Variants in DOCK9 observed in about 807,000 individuals in gnomAD.
DOCK9 encodes dedicator of cytokinesis protein 9.
Under a neutral mutation model 263.3 loss-of-function variants are expected in DOCK9, and 89 were observed. That is an observed-to-expected ratio of 0.34 (90% CI 0.28 to 0.40). The LOEUF is 0.40. Among genes scored for constraint, DOCK9 ranks in the 10% least tolerant of loss-of-function variants. The pLI, the probability that DOCK9 is intolerant of heterozygous loss-of-function variation, is 1.00. For synonymous variants in DOCK9, 976 were observed against 973.1 expected (o/e 1.00, Z -0.06); for missense variants, 2,140 against 2,603.4 (o/e 0.82, Z 3.87).
intron 45 of DOCK9, among the ~76,000 whole-genome samples, chr13:98,811,107 G>C (rs2091257193): frequency 2.0e-5 from 3 of 152,208 alleles, no homozygotes; most frequent in African/African-American, 7.2e-5. Flanking sequence ...CAAAGTGATG[G>C]TGTCATGAAT....
chr13:99,051,926 A>C (rs975497706), intron 1 of DOCK9, among the ~76,000 whole-genome samples: 7 of 150,996 alleles, frequency 4.6e-5, no homozygotes, highest in South Asian at 4.2e-4. Flanking sequence ...TTGTTCACAA[A>C]AACACCAGAA....
At chr13:98,881,228 A>C (rs1291706000) in intron 25 of DOCK9, among the ~76,000 whole-genome samples, 1 of 152,122 alleles carries the variant, frequency 6.6e-6, no homozygotes, top group Admixed American at 6.5e-5. Flanking sequence ...TTAGATGGAA[A>C]GAAAAAAAAA....
intron 2 of DOCK9, among the ~76,000 whole-genome samples, chr13:98,933,500 A>G (rs547475404): frequency 1.2e-4 from 18 of 152,326 alleles, no homozygotes; most frequent in African/African-American, 4.1e-4. Flanking sequence ...TCTCATTTTT[A>G]AAAGAGGTTT....
chr13:98,927,914 T>C (rs1405890182), intron 3 of DOCK9, among the ~76,000 whole-genome samples: 1 of 151,650 alleles, frequency 6.6e-6, no homozygotes, highest in East Asian at 1.9e-4. Context: ...CCACTGCGCC[T>C]GGCCAAGATT....
At chr13:98,898,140 A>G in intron 14 of DOCK9, 39 bp downstream of exon 14, 3 of 1,451,494 alleles carry the variant, frequency 2.1e-6, no homozygotes, top group South Asian at 1.2e-5. Context: ...CCATGCACCT[A>G]TCTATATCGA....
Position 98,898,698 on chromosome 13 carries a change from G to A in DOCK9, c.1504-437C>T, listed in dbSNP as rs182142257. ...ACTAAGCTTTCACAGCTCCTAAAGC[G>A]CACTAGCTTATGCTGATTCCCACAA... On this transcript the variant is annotated intron_variant, in intron 13 of 52. Coordinates refer to ENST00000682017, the MANE Select transcript of DOCK9 (RefSeq NM_001366683.2). 5.4e-4 allele frequency among the ~76,000 whole-genome samples: 82 copies of A among 152,244 alleles called. 1 individual carries two copies. Among genetic ancestry groups the A allele is most frequent in the Middle Eastern group, 3.4e-3 (1 of 294 alleles).
At chr13:98,966,911 G>A (rs1471943470) in intron 1 of DOCK9, among the ~76,000 whole-genome samples, 1 of 152,198 alleles carries the variant, frequency 6.6e-6, no homozygotes, top group Non-Finnish European at 1.5e-5. Flanking sequence ...GCTAGCATCA[G>A]CATCACCTGA....
intron 47 of DOCK9, 69 bp from the exon 48 acceptor site, chr13:98,807,876 C>G (rs9582264): frequency 2.8e-5 from 36 of 1,305,282 alleles, no homozygotes; most frequent in Non-Finnish European, 3.6e-5. Context: ...AGGAAGCGTT[C>G]TTTTATTACA....
At chr13:98,900,816 T>C (rs1157839356) in intron 13 of DOCK9, among the ~76,000 whole-genome samples, 4 of 152,140 alleles carry the variant, frequency 2.6e-5, no homozygotes, top group Non-Finnish European at 5.9e-5. Flanking sequence ...CATTTCTCAA[T>C]GGCCATCGTG....
intron 38 of DOCK9, 23 bp from the exon 39 acceptor site, chr13:98,837,632 T>G: frequency 6.4e-7 from 1 of 1,563,062 alleles, no homozygotes; most frequent in Non-Finnish European, 8.8e-7. Flanking sequence ...CAACACAAGA[T>G]TACTGCCCAG....
At chr13:99,081,219 T>C (rs1197138012) in intron 1 of DOCK9, among the ~76,000 whole-genome samples, 1 of 152,180 alleles carries the variant, frequency 6.6e-6, no homozygotes, top group African/African-American at 2.4e-5. Context: ...GATTTTACCT[T>C]ACTTGAGAAT....
chr13:99,031,715 A>G (rs1887363928), intron 1 of DOCK9, among the ~76,000 whole-genome samples: 1 of 152,236 alleles, frequency 6.6e-6, no homozygotes, highest in Non-Finnish European at 1.5e-5. Context: ...AGCAAAACTT[A>G]TAAAACAGCA....
intron 2 of DOCK9, among the ~76,000 whole-genome samples, chr13:98,935,382 A>G (rs1424739729): frequency 6.6e-6 from 1 of 152,250 alleles, no homozygotes; most frequent in Non-Finnish European, 1.5e-5. Context: ...AAACAACACT[A>G]AAAGTCCACA....
chr13:98,808,610 A>T (rs773345393), intron 47 of DOCK9: 3 of 1,493,962 alleles, frequency 2.0e-6, no homozygotes, highest in Non-Finnish European at 2.8e-6. Flanking sequence ...TCACTATATT[A>T]CTTGCTTTTT....
intron 27 of DOCK9, among the ~76,000 whole-genome samples, chr13:98,869,904 G>A (rs1372664102): frequency 2.0e-5 from 3 of 152,360 alleles, no homozygotes; most frequent in East Asian, 1.9e-4. Flanking sequence ...TCTCAGCCAC[G>A]TGGATGAGGT....
chr13:98,885,641 C>T, intron 20 of DOCK9, 67 bp downstream of exon 20: 1 of 1,497,572 alleles, frequency 6.7e-7, no homozygotes, highest in Admixed American at 2.3e-5. Flanking sequence ...AATTCAGAAT[C>T]TTAATACAAT....
At chr13:99,065,074 C>T (rs964231552) in intron 1 of DOCK9, among the ~76,000 whole-genome samples, 3 of 152,148 alleles carry the variant, frequency 2.0e-5, no homozygotes, top group Admixed American at 6.5e-5. Context: ...CAGTCACGCA[C>T]GGCTGAAACC....
At position 98,811,604 on chromosome 13, in the gene DOCK9, GT is replaced by G. The variant is rs1483210117; in HGVS notation, c.5131-1314del. ...TTTTTGTATTTTTAGTAGAGATGGG[GT>G]TTTGCCATGCTGGCAAGGCTGATCT... On this transcript the variant is annotated intron_variant, in intron 45 of 52. Transcript: ENST00000682017. 1.2e-4 allele frequency among the ~76,000 whole-genome samples: 19 copies of G among 152,266 alleles called. No homozygotes were observed. In the East Asian group the frequency reaches 3.7e-3, roughly 29 times the overall value.
intron 2 of DOCK9, among the ~76,000 whole-genome samples, chr13:98,939,306 G>A (rs1217111868): frequency 6.6e-6 from 1 of 152,302 alleles, no homozygotes; most frequent in East Asian, 1.9e-4. Context: ...CCTAAAATCA[G>A]AGAGAAGAAG....
Sources: gnomAD v4.1 joint callset for allele counts (sites outside exome capture counted in the v4.1 genomes callset) on GRCh38, gnomAD v4.1.1 for gene constraint, MANE v1.5 for transcripts, NCBI Gene and HGNC (gene_info 2026-07-23, HGNC 2026-07-21) for gene names.